RNF141: variants seen among roughly 807,000 people sequenced by gnomAD.
The protein encoded by RNF141 is ring finger protein 141.
In RNF141, 18 loss-of-function variants were observed where a neutral mutation model predicts 27.4. The ratio of observed to expected loss-of-function variants is 0.66; its 90% CI spans 0.45 to 0.97. The LOEUF (loss-of-function observed/expected upper bound fraction) is 0.97. RNF141 is among the 50% of genes least tolerant of loss of function. RNF141 has a pLI of 0.00. For synonymous variants in RNF141, 97 were observed against 96.6 expected, an observed-to-expected ratio of 1.00 and a Z score of -0.02; for missense variants, 230 against 279.4, an observed-to-expected ratio of 0.82 and a Z score of 1.26.
In RNF141 at chr11:10,519,021, G is replaced by C; in HGVS notation, c.542+13C>G. The C allele has an allele frequency of 6.2e-7, 1 of 1,606,320 alleles. No homozygotes were observed. The highest frequency in any genetic ancestry group is 8.5e-7 in the Non-Finnish European group (1 of 1,173,084). On this transcript the variant is annotated intron_variant, in intron 5 of 5. Coordinates refer to ENST00000265981, the MANE Select transcript of RNF141 (RefSeq NM_016422.4). ...GACCTTGGCCCAGCCCATGAATGCAGTAGGTAACTTACCATTTATCAATAC... is the reference window on the plus strand; with the variant it reads ...GACCTTGGCCCAGCCCATGAATGCACTAGGTAACTTACCATTTATCAATAC...
Position 10,517,968 on chromosome 11 carries a change from G to A in RNF141, c.542+1066C>T, listed in dbSNP as rs3943326. Among the ~76,000 whole-genome samples, 1,019 of 152,186 alleles carry A rather than the reference G, an allele frequency of 6.7e-3. 7 individuals carry two copies. The highest frequency in any genetic ancestry group is 0.014 in the Middle Eastern group (4 of 294). On this transcript the variant is annotated intron_variant, in intron 5 of 5. Transcript: ENST00000265981. ...AGCATAAAACTATGAAATACTTGGG[G>A]ATAGATGTCAAAGATATGCAACACT...
In RNF141 at chr11:10,514,876, T is replaced by C; in HGVS notation, c.*40A>G. ...TACATTCTTCCCCCATGACCAAATA[T>C]TTGAGCCCACAATAGCAACAGAAGA... On this transcript the variant is annotated 3_prime_UTR_variant, in exon 6 of 6. Coordinates refer to ENST00000265981, the MANE Select transcript of RNF141 (RefSeq NM_016422.4). The C allele has an allele frequency of 6.4e-7, 1 of 1,568,202 alleles. No individual in the cohort carries two copies. The highest frequency in any genetic ancestry group is 1.2e-5 in the South Asian group (1 of 83,642).
chr11:10,512,024 T>C lies in RNF141; in HGVS notation c.*2892A>G, dbSNP rs890605839. 2 of 152,638 alleles carry C rather than the reference T, an allele frequency of 1.3e-5. No homozygotes were observed. The highest frequency in any genetic ancestry group is 1.9e-4 in the East Asian group (1 of 5,200). 9.5% of individuals were successfully genotyped at this position (152,638 alleles called of 1,614,324 possible). On this transcript the variant is annotated 3_prime_UTR_variant, in exon 6 of 6. Transcript: ENST00000265981. ...ATTCTCAACCTCTAAATTCAGTACATAGTAAAATTCATTTTCTCAAACTAA... is the reference window on the plus strand; with the variant it reads ...ATTCTCAACCTCTAAATTCAGTACACAGTAAAATTCATTTTCTCAAACTAA...
chr11:10,525,847 TTAAAA>T (rs761758722), intron 3 of RNF141, among the ~76,000 whole-genome samples: 48 of 152,292 alleles, frequency 3.2e-4, no homozygotes, highest in Non-Finnish European at 5.0e-4. Context: ...GAAAATTACT[TTAAAA>T]TAAATCCTAA....
chr11:10,536,381 G>T (rs1381995858), intron 1 of RNF141, among the ~76,000 whole-genome samples: 1 of 152,132 alleles, frequency 6.6e-6, no homozygotes, highest in East Asian at 1.9e-4. Context: ...GGCACCAAGA[G>T]TTGGGCTGTT....
intron 2 of RNF141, 108 bp from the exon 3 acceptor site, chr11:10,530,859 G>T: frequency 1.8e-6 from 1 of 543,586 alleles, no homozygotes; most frequent in Non-Finnish European, 3.1e-6. Context: ...GAAATATGAA[G>T]AAACACAAAA....
intron 4 of RNF141, among the ~76,000 whole-genome samples, chr11:10,521,148 C>CAT (rs1481297348): frequency 1.3e-5 from 2 of 152,208 alleles, no homozygotes; most frequent in East Asian, 3.8e-4. Flanking sequence ...CTGAATGAGC[C>CAT]ATATACCTTT....
chr11:10,518,633 T>C (rs992506743), intron 5 of RNF141: 5 of 158,648 alleles, frequency 3.2e-5, no homozygotes, highest in African/African-American at 4.8e-5. Context: ...TCAAGTCTTA[T>C]TTTGTAAAAT....
intron 4 of RNF141, among the ~76,000 whole-genome samples, chr11:10,523,515 G>C (rs559520142): frequency 1.8e-4 from 28 of 152,250 alleles, no homozygotes; most frequent in African/African-American, 6.7e-4. Context: ...AACATCAATG[G>C]AATTATGCAT....
chr11:10,533,154 C>G (rs929846502), intron 2 of RNF141, among the ~76,000 whole-genome samples: 1 of 152,144 alleles, frequency 6.6e-6, no homozygotes, highest in South Asian at 2.1e-4. Context: ...TTGCTAGAGG[C>G]AGATTTAAAA....
intron 1 of RNF141, among the ~76,000 whole-genome samples, chr11:10,535,893 G>T (rs1850030590): frequency 6.6e-6 from 1 of 152,126 alleles, no homozygotes; most frequent in Non-Finnish European, 1.5e-5. Flanking sequence ...GAAGCCAAGG[G>T]TTGCAGACTG....
At chr11:10,535,974 T>C (rs1422738254) in intron 1 of RNF141, among the ~76,000 whole-genome samples, 2 of 152,204 alleles carry the variant, frequency 1.3e-5, no homozygotes, top group Non-Finnish European at 2.9e-5. Context: ...GCCTGGTGCT[T>C]ATGTTCTGGA....
intron 1 of RNF141, among the ~76,000 whole-genome samples, chr11:10,537,973 T>C (rs757638442): frequency 3.9e-5 from 6 of 152,218 alleles, no homozygotes; most frequent in Non-Finnish European, 7.3e-5. Flanking sequence ...TCTGCTGCTT[T>C]TCAATGTGCT....
At chr11:10,524,944 G>C (rs1356497266) in intron 4 of RNF141, among the ~76,000 whole-genome samples, 1 of 152,088 alleles carries the variant, frequency 6.6e-6, no homozygotes, top group Non-Finnish European at 1.5e-5. Context: ...CATGCATATA[G>C]AGCGGATTCC....
At chr11:10,521,907 A>T (rs1432182576) in intron 4 of RNF141, among the ~76,000 whole-genome samples, 2 of 152,336 alleles carry the variant, frequency 1.3e-5, no homozygotes, top group East Asian at 3.9e-4. Context: ...ATTAAGTTTG[A>T]ACGTGTCCTG....
At chr11:10,515,264 C>A in intron 5 of RNF141, 198 bp from the exon 6 acceptor site, 1 of 599,234 alleles carries the variant, frequency 1.7e-6, no homozygotes, top group East Asian at 2.9e-5. Context: ...CTTATATATT[C>A]CTCCAGAGAT....
chr11:10,519,188 T>C (rs748390952), intron 4 of RNF141, 47 bp from the exon 5 acceptor site: 15 of 1,522,728 alleles, frequency 9.9e-6, no homozygotes, highest in Non-Finnish European at 1.3e-5. Context: ...TCTGTCATTA[T>C]GCTTTATACT....
intron 4 of RNF141, among the ~76,000 whole-genome samples, chr11:10,523,712 CCTT>C (rs1849907630): frequency 6.7e-6 from 1 of 150,214 alleles, no homozygotes. Context: ...AGGGATAACA[CCTT>C]TACCTTCTTC....
chr11:10,530,837 A>G (rs777668653), intron 2 of RNF141, 86 bp from the exon 3 acceptor site: 4 of 652,786 alleles, frequency 6.1e-6, no homozygotes, highest in East Asian at 3.1e-5. Flanking sequence ...TCAAGAAACA[A>G]TTTCAGAGAA....
Sources: allele counts gnomAD v4.1 joint callset (sites outside exome capture counted in the v4.1 genomes callset), GRCh38; gene constraint gnomAD v4.1.1; transcripts MANE v1.5; gene names NCBI Gene and HGNC (gene_info 2026-07-23, HGNC 2026-07-21).